The following SGCZ variants were observed in gnomAD, a reference collection of about 807,000 sequenced individuals.
The protein encoded by SGCZ is sarcoglycan zeta.
SGCZ carries 40 observed loss-of-function variants against 41.3 expected under a neutral mutation model. The observed-to-expected ratio is 0.97, with a 90% CI of 0.75 to 1.26. The LOEUF (loss-of-function observed/expected upper bound fraction) is 1.26. Among genes scored for constraint, SGCZ ranks in the 50% most tolerant of loss-of-function variants. The probability of loss-of-function intolerance (pLI) is 0.00; values close to 1 mark genes in which losing one functional copy is unlikely to be tolerated. For synonymous variants in SGCZ, 206 were observed against 137.5 expected (o/e 1.50, Z -3.49); for missense variants, 552 against 369.8 (o/e 1.49, Z -4.04).
chr8:14,566,520 T>A (rs1193189233), intron 1 of SGCZ, among the ~76,000 whole-genome samples: 2 of 152,236 alleles, frequency 1.3e-5, no homozygotes, highest in African/African-American at 2.4e-5. Context: ...AAAGCTTTAC[T>A]CATCATTACT....
At chr8:15,083,340 G>A (rs1263032508) in intron 1 of SGCZ, among the ~76,000 whole-genome samples, 5 of 151,950 alleles carry the variant, frequency 3.3e-5, no homozygotes, top group Admixed American at 6.6e-5. Flanking sequence ...TTAGAATAAC[G>A]GTATCACCGA....
At chr8:14,463,962 A>G (rs1800975979) in intron 2 of SGCZ, among the ~76,000 whole-genome samples, 1 of 148,700 alleles carries the variant, frequency 6.7e-6, no homozygotes, top group Admixed American at 6.6e-5. Context: ...TGCATCCAGG[A>G]ATAAATCTTA....
chr8:15,193,032 T>A (rs975688065), intron 1 of SGCZ, among the ~76,000 whole-genome samples: 1 of 152,086 alleles, frequency 6.6e-6, no homozygotes, highest in Non-Finnish European at 1.5e-5. Context: ...TTTTACCACT[T>A]ATAATTGGTG....
chr8:14,847,156 G>GAAGAAA (rs1803154593), intron 1 of SGCZ, among the ~76,000 whole-genome samples: 1 of 150,198 alleles, frequency 6.7e-6, no homozygotes, highest in South Asian at 2.1e-4. Context: ...AGAAGAAGAA[G>GAAGAAA]AAGAAGAAGA....
chr8:14,159,516 G>T (rs1803977778), intron 5 of SGCZ, among the ~76,000 whole-genome samples: 1 of 152,162 alleles, frequency 6.6e-6, no homozygotes, highest in South Asian at 2.1e-4. Context: ...GGAAGGTGGG[G>T]TGGTACTAAT....
At chr8:14,558,976 A>G (rs1055202033) in intron 1 of SGCZ, among the ~76,000 whole-genome samples, 21 of 152,200 alleles carry the variant, frequency 1.4e-4, no homozygotes, top group Admixed American at 1.1e-3. Context: ...GAAGGGACAT[A>G]CCTCAATGTA....
chr8:14,792,438 T>C (rs906567540), intron 1 of SGCZ, among the ~76,000 whole-genome samples: 1 of 152,164 alleles, frequency 6.6e-6, no homozygotes, highest in African/African-American at 2.4e-5. Flanking sequence ...TATTCAACTC[T>C]TTCCATTCAT....
At chr8:15,220,378 A>C (rs542831259) in intron 1 of SGCZ, among the ~76,000 whole-genome samples, 1 of 152,278 alleles carries the variant, frequency 6.6e-6, no homozygotes, top group Non-Finnish European at 1.5e-5. Flanking sequence ...TTGGTTACCC[A>C]CAACAATGGC....
chr8:14,870,538 T>C (rs772906431), intron 1 of SGCZ, among the ~76,000 whole-genome samples: 4 of 152,124 alleles, frequency 2.6e-5, no homozygotes, highest in Non-Finnish European at 4.4e-5. Context: ...AAAGACTTCA[T>C]GACTGAAACA....
intron 1 of SGCZ, among the ~76,000 whole-genome samples, chr8:14,829,289 T>G (rs761862241): frequency 2.6e-5 from 4 of 152,210 alleles, no homozygotes; most frequent in Non-Finnish European, 5.9e-5. Context: ...TTAATAATGT[T>G]TTTTAAAAAA....
chr8:14,358,914 T>G (rs1024478887), intron 2 of SGCZ, among the ~76,000 whole-genome samples: 2 of 152,160 alleles, frequency 1.3e-5, no homozygotes, highest in East Asian at 3.9e-4. Context: ...TGGCCAGGTA[T>G]AGTATTCTTT....
intron 1 of SGCZ, among the ~76,000 whole-genome samples, chr8:14,840,698 T>G (rs1002296101): frequency 1.3e-5 from 2 of 152,056 alleles, no homozygotes; most frequent in African/African-American, 4.8e-5. Flanking sequence ...TAATTTTATC[T>G]TGTCAGGAGC....
intron 2 of SGCZ, among the ~76,000 whole-genome samples, chr8:14,548,816 G>C (rs971603749): frequency 6.6e-6 from 1 of 152,032 alleles, no homozygotes; most frequent in Non-Finnish European, 1.5e-5. Flanking sequence ...ACCAAATTGG[G>C]TCAACAATTT....
intron 2 of SGCZ, among the ~76,000 whole-genome samples, chr8:14,361,659 G>A (rs1255352173): frequency 3.9e-5 from 6 of 152,108 alleles, no homozygotes; most frequent in Non-Finnish European, 2.9e-5. Flanking sequence ...TGTTATTACC[G>A]ACCTTCGGAA....
At chr8:14,847,126 A>AAAGAAGAAGAAGAAGAAGAAG (rs61002020) in intron 1 of SGCZ, among the ~76,000 whole-genome samples, 53 of 126,448 alleles carry the variant, frequency 4.2e-4, no homozygotes, top group South Asian at 5.9e-4. Context: ...GAAGAAGAAG[A>AAAGAAGAAGAAGAAGAAGAAG]AAGAAGAAGA....
chr8:15,175,197 A>G (rs1585641044), intron 1 of SGCZ, among the ~76,000 whole-genome samples: 1 of 152,204 alleles, frequency 6.6e-6, no homozygotes, highest in East Asian at 1.9e-4. Flanking sequence ...ACACAAAGGA[A>G]TGTAAATCAT....
intron 1 of SGCZ, among the ~76,000 whole-genome samples, chr8:15,090,019 A>T (rs1488601015): frequency 6.6e-6 from 1 of 152,232 alleles, no homozygotes; most frequent in African/African-American, 2.4e-5. Context: ...AAAGTAGTAA[A>T]AACTGTTTGA....
At chr8:14,657,112 T>A (rs1487049450) in intron 1 of SGCZ, among the ~76,000 whole-genome samples, 1 of 152,098 alleles carries the variant, frequency 6.6e-6, no homozygotes, top group African/African-American at 2.4e-5. Context: ...GGTTTGTAAA[T>A]GTTTACATAT....
At chr8:14,404,330 T>C (rs1799155205) in intron 2 of SGCZ, among the ~76,000 whole-genome samples, 1 of 152,150 alleles carries the variant, frequency 6.6e-6, no homozygotes, top group East Asian at 1.9e-4. Context: ...GCCATGAATG[T>C]CCATTTTTAT....
Sources: allele counts gnomAD v4.1 joint callset (sites outside exome capture counted in the v4.1 genomes callset), GRCh38; gene constraint gnomAD v4.1.1; transcripts MANE v1.5; gene names NCBI Gene and HGNC (gene_info 2026-07-23, HGNC 2026-07-21).